The following ERBB4 variants were observed in gnomAD, a reference collection of about 807,000 sequenced individuals.
ERBB4 encodes receptor tyrosine-protein kinase erbB-4.
Under a neutral mutation model 158.0 loss-of-function variants are expected in ERBB4, and 42 were observed. The ratio of observed to expected loss-of-function variants is 0.27; its 90% CI spans 0.21 to 0.34. The LOEUF is 0.34. Among genes scored for constraint, ERBB4 ranks in the 10% least tolerant of loss-of-function variants. The pLI, the probability that ERBB4 is intolerant of heterozygous loss-of-function variation, is 1.00. For synonymous variants in ERBB4, 583 were observed against 558.7 expected (o/e 1.04, Z -0.61); for missense variants, 1,333 against 1,624.1 (o/e 0.82, Z 3.08).
chr2:212,160,438 C>A (rs1399896721), intron 1 of ERBB4, among the ~76,000 whole-genome samples: 1 of 151,964 alleles, frequency 6.6e-6, no homozygotes, highest in African/African-American at 2.4e-5. Flanking sequence ...ATCCACAAGT[C>A]CTCCATAGTT....
intron 1 of ERBB4, among the ~76,000 whole-genome samples, chr2:212,526,137 G>A (rs1250299610): frequency 6.6e-6 from 1 of 151,936 alleles, no homozygotes; most frequent in African/African-American, 2.4e-5. Flanking sequence ...TTGAGTGAAA[G>A]CTGTTAAACT....
chr2:211,489,460 G>C (rs943182080), intron 20 of ERBB4, among the ~76,000 whole-genome samples: 1 of 151,780 alleles, frequency 6.6e-6, no homozygotes, highest in South Asian at 2.1e-4. Context: ...TGAATTAAAC[G>C]TAAAAAACTT....
intron 20 of ERBB4, among the ~76,000 whole-genome samples, chr2:211,529,212 G>T (rs1396272332): frequency 6.6e-6 from 1 of 151,350 alleles, no homozygotes; most frequent in Non-Finnish European, 1.5e-5. Context: ...GATCACTAGT[G>T]GCTACTAGGA....
chr2:211,745,620 G>A (rs569947860), intron 5 of ERBB4, among the ~76,000 whole-genome samples: 52 of 151,130 alleles, frequency 3.4e-4, no homozygotes, highest in Middle Eastern at 6.8e-3. Flanking sequence ...TTATAATATC[G>A]GCTATTATTG....
intron 3 of ERBB4, among the ~76,000 whole-genome samples, chr2:211,866,326 ACT>A (rs1486364451): frequency 6.6e-6 from 1 of 151,692 alleles, no homozygotes; most frequent in African/African-American, 2.4e-5. Context: ...ATGTCCTATC[ACT>A]CTTTCTTTGA....
chr2:211,760,724 G>C (rs554573555), intron 4 of ERBB4, among the ~76,000 whole-genome samples: 20 of 152,132 alleles, frequency 1.3e-4, no homozygotes, highest in African/African-American at 4.8e-4. Context: ...TAAAAATGGA[G>C]GTGTACACTA....
intron 20 of ERBB4, among the ~76,000 whole-genome samples, chr2:211,533,257 T>C (rs1344259630): frequency 3.9e-5 from 6 of 151,958 alleles, no homozygotes; most frequent in Non-Finnish European, 8.8e-5. Context: ...ACAGAATGTT[T>C]TACTATTTTC....
rs574558598 is a variant in ERBB4 at position 212,375,162 on chromosome 2, C to T, written c.82+163287G>A. On this transcript the variant is annotated intron_variant, in intron 1 of 27. Coordinates refer to ENST00000342788, the MANE Select transcript of ERBB4 (RefSeq NM_005235.3). ...TACTCTAATAGAACACATAACCAAG[C>T]CAGATAAATATCATGGATATGACAA... 2.0e-5 allele frequency among the ~76,000 whole-genome samples: 3 copies of T among 151,992 alleles called. No homozygotes were observed. In the East Asian group the frequency reaches 5.8e-4, roughly 29 times the overall value.
rs1201724620 is a variant in ERBB4 at position 212,293,847 on chromosome 2, C to CAAAAAAA, written c.83-168951_83-168945dup. Among the ~76,000 whole-genome samples the CAAAAAAA allele has an allele frequency of 4.7e-4, 30 of 63,774 alleles. 2 individuals carry two copies. The highest frequency in any genetic ancestry group is 0.017 in the Middle Eastern group (1 of 60). The allele number at this position is 63,774 out of a possible 152,430, so 41.8% of individuals were successfully genotyped here. ...TGGGTGACAGAGGAAGACTCTGTCT[C>CAAAAAAA]AAAAAAAAAAACAAAAAAAAAAAAA... On this transcript the variant is annotated intron_variant, in intron 1 of 27. Transcript: ENST00000342788.
At chr2:211,506,921 A>G (rs949227715) in intron 20 of ERBB4, among the ~76,000 whole-genome samples, 3 of 152,156 alleles carry the variant, frequency 2.0e-5, no homozygotes, top group Non-Finnish European at 4.4e-5. Context: ...AAGGGATCCA[A>G]AAAATGAAGT....
chr2:211,383,740 A>G lies in ERBB4; in HGVS notation c.3802T>C (p.Tyr1268His). ...YLQEYSTKYF[Y>H]KQNGRIRPIV... ...GGCCGGATCCGCCCATTCTGTTTAT[A>G]AAAATATTTTGTGCTGTACTCCTGC... is the stretch of plus-strand genomic sequence containing the variant. Residue 1268 changes from tyrosine (Y) to histidine (H), a missense_variant, in exon 28 of 28, where the codon TAT becomes CAT. By Grantham distance (83) the Tyr-to-His change is moderately conservative. Around this residue, in one of 5 missense-constraint regions of ERBB4, gnomAD observed 84 missense variants for 110.8 expected, o/e 0.76. Transcript: ENST00000342788. The G allele has an allele frequency of 6.2e-7, 1 of 1,614,048 alleles. No homozygotes were observed. The highest frequency in any genetic ancestry group is 1.7e-5 in the Admixed American group (1 of 59,996).
chr2:212,029,879 TCC>T (rs1251981124), intron 2 of ERBB4, among the ~76,000 whole-genome samples: 3 of 152,128 alleles, frequency 2.0e-5, no homozygotes, highest in Admixed American at 2.0e-4. Context: ...AATTCTACAA[TCC>T]CCACTCTAAC....
In ERBB4 at chr2:211,651,282, T is replaced by C. The variant is rs149117880; in HGVS notation, c.1946+6472A>G. Among the ~76,000 whole-genome samples the C allele has an allele frequency of 3.2e-4, 48 of 152,312 alleles. No individual in the cohort carries two copies. In the East Asian group the frequency reaches 6.0e-3, roughly 19 times the overall value. The stretch of plus-strand genomic sequence containing the variant: ...GTTTAACCAATTGATCTCTCATACA[T>C]AGATGTGCCTTTATATGGCAAAGTT... On this transcript the variant is annotated intron_variant, in intron 16 of 27. Coordinates refer to ENST00000342788, the MANE Select transcript of ERBB4 (RefSeq NM_005235.3).
intron 2 of ERBB4, among the ~76,000 whole-genome samples, chr2:212,058,871 A>T (rs1213512171): frequency 2.6e-5 from 4 of 152,182 alleles, no homozygotes; most frequent in African/African-American, 9.7e-5. Context: ...TTCCCTTTGA[A>T]AACTGGCACA....
At chr2:211,671,580 T>G (rs2071841275) in intron 14 of ERBB4, among the ~76,000 whole-genome samples, 1 of 152,134 alleles carries the variant, frequency 6.6e-6, no homozygotes, top group Non-Finnish European at 1.5e-5. Context: ...TTTCTGTAAA[T>G]CTATGTCTAA....
At chr2:211,513,741 A>AC (rs1307505830) in intron 20 of ERBB4, among the ~76,000 whole-genome samples, 4 of 152,078 alleles carry the variant, frequency 2.6e-5, no homozygotes, top group African/African-American at 9.7e-5. Flanking sequence ...CGCTTTGTTA[A>AC]CCCCTAACAG....
At chr2:212,374,851 T>C (rs146691986) in intron 1 of ERBB4, among the ~76,000 whole-genome samples, 24 of 151,990 alleles carry the variant, frequency 1.6e-4, no homozygotes, top group African/African-American at 4.1e-4. Context: ...AGTGCCCAAA[T>C]TGAAAGGGGA....
chr2:211,790,352 A>C (rs2076253337), intron 3 of ERBB4, among the ~76,000 whole-genome samples: 1 of 152,098 alleles, frequency 6.6e-6, no homozygotes, highest in Non-Finnish European at 1.5e-5. Flanking sequence ...TAGCTCAAAC[A>C]TTGCAGAAAG....
At chr2:211,610,573 T>C (rs998993268) in intron 19 of ERBB4, among the ~76,000 whole-genome samples, 4 of 152,164 alleles carry the variant, frequency 2.6e-5, no homozygotes, top group East Asian at 3.8e-4. Flanking sequence ...AGTGGGGATT[T>C]TTCCTAAGTC....
Sources: allele counts gnomAD v4.1 joint callset (sites outside exome capture counted in the v4.1 genomes callset), GRCh38; gene constraint gnomAD v4.1.1; regional missense constraint gnomAD v4.1.1; transcripts MANE v1.5; gene names NCBI Gene and HGNC (gene_info 2026-07-23, HGNC 2026-07-21).